The following OR4K17 variants were observed in gnomAD, a reference collection of about 807,000 sequenced individuals.
OR4K17 encodes the protein olfactory receptor 4K17.
For missense variants in OR4K17, 480 were observed against 366.3 expected, an observed-to-expected ratio of 1.31 and a Z score of -2.53; for synonymous variants, 157 against 132.8, an observed-to-expected ratio of 1.18 and a Z score of -1.25.
Position 20,118,466 on chromosome 14 carries a change from C to A in OR4K17, c.*28C>A, listed in dbSNP as rs1207880599. 18 of 1,388,438 alleles carry A rather than the reference C, an allele frequency of 1.3e-5. No individual in the cohort carries two copies. The Admixed American group carries it at 3.4e-4, about 26-fold the overall frequency. The allele number at this position is 1,388,438 out of a possible 1,614,324, so 86.0% of individuals were successfully genotyped here. On this transcript the variant is annotated 3_prime_UTR_variant, in exon 2 of 2. Coordinates refer to ENST00000641386, the MANE Select transcript of OR4K17 (RefSeq NM_001004715.5). ...TAAAAATATAATGGTAGAGGCCGGG[C>A]ATGGTGGCTGATGCCTGTAATCCCC...
In OR4K17 at chr14:20,119,959, G is replaced by A. The variant is rs1294090047; in HGVS notation, c.*1521G>A. 6.6e-6 allele frequency: 1 copy of A among 152,176 alleles called. No individual in the cohort carries two copies. The highest frequency in any genetic ancestry group is 1.5e-5 in the Non-Finnish European group (1 of 68,030). 9.4% of individuals were successfully genotyped at this position (152,176 alleles called of 1,614,324 possible). On this transcript the variant is annotated 3_prime_UTR_variant, in exon 2 of 2. Transcript: ENST00000641386. Reference sequence around the variant, plus strand: ...GCAAGTAAAATGCAGTAAGATTACAGTAGTCAGTCAAGATTATTTTTAATG... The same window carrying A: ...GCAAGTAAAATGCAGTAAGATTACAATAGTCAGTCAAGATTATTTTTAATG...
In OR4K17 at chr14:20,117,512, A is replaced by G; in HGVS notation, c.13A>G (p.Asn5Asp). ...TAGGATGGAGGCCATGAAACTATTAAATCAATCTCAAGTGTCAGAATTCAT... is the reference window on the plus strand; with the variant it reads ...TAGGATGGAGGCCATGAAACTATTAGATCAATCTCAAGTGTCAGAATTCAT... The part of the protein sequence containing the change: MKLL[N>D]QSQVSEFILL... The change falls in exon 2 of 2, where the codon AAT becomes GAT. Residue 5 changes from asparagine to aspartate, a missense_variant. Transcript: ENST00000641386. 3 of 1,613,852 alleles carry G rather than the reference A, an allele frequency of 1.9e-6. No individual in the cohort carries two copies. Among genetic ancestry groups the G allele is most frequent in the Non-Finnish European group, 2.5e-6 (3 of 1,179,862 alleles).
At chr14:20,116,923 C>A (rs937251758) in intron 1 of OR4K17, among the ~76,000 whole-genome samples, 4 of 152,166 alleles carry the variant, frequency 2.6e-5, no homozygotes, top group Admixed American at 2.6e-4. Flanking sequence ...AAAAACACAG[C>A]AGTATGCATT....
rs558634439 is a variant in OR4K17 at position 20,119,702 on chromosome 14, G to A, written c.*1264G>A. ...AAAATACAAAAATTAGCCAGGCGTG[G>A]TGGTGCATCCCTGCAATCCCAGCTA... On this transcript the variant is annotated 3_prime_UTR_variant, in exon 2 of 2. Transcript: ENST00000641386. 6.6e-6 allele frequency: 1 copy of A among 152,242 alleles called. No homozygotes were observed. The highest frequency in any genetic ancestry group is 1.9e-4 in the East Asian group (1 of 5,178). The allele number at this position is 152,242 out of a possible 1,614,324, so 9.4% of individuals were successfully genotyped here. A position where few individuals can be genotyped will look rare whatever the true frequency, so the allele number is the denominator to read the frequency against.
chr14:20,117,892 C>T lies in OR4K17; in HGVS notation c.393C>T (p.His131=), dbSNP rs752162857. 5.6e-6 allele frequency: 9 copies of T among 1,614,104 alleles called. No homozygotes were observed. Among genetic ancestry groups the T allele is most frequent in the Non-Finnish European group, 7.6e-6 (9 of 1,180,006 alleles). ...DRYVAICKPL[H]YMTIMNKKVC... is the part of the protein sequence containing the mutation. ...ATGTGGCCATTTGTAAGCCCCTACA[C>T]TACATGACCATCATGAACAAGAAGG... Residue 131 remains histidine (H), a synonymous_variant, in exon 2 of 2, where the codon CAC becomes CAT. Coordinates refer to ENST00000641386, the MANE Select transcript of OR4K17 (RefSeq NM_001004715.5).
At position 20,117,594 on chromosome 14, in the gene OR4K17, C is replaced by T. The variant is rs150087607; in HGVS notation, c.95C>T (p.Ser32Leu). ...GAGTTTCTTCTCTTTGCCCTCTTCT[C>T]GGTTATCTATGTGGTCACAGTTTTG... Reference protein sequence around the residue: ...DVEFLLFALFSVIYVVTVLGN... With the variant: ...DVEFLLFALFLVIYVVTVLGN... The change falls in exon 2 of 2, where the codon TCG becomes TTG. Residue 32 changes from serine to leucine, a missense_variant. Coordinates refer to ENST00000641386, the MANE Select transcript of OR4K17 (RefSeq NM_001004715.5). 26 of 1,613,780 alleles carry T rather than the reference C, an allele frequency of 1.6e-5. No homozygotes were observed. The highest frequency in any genetic ancestry group is 1.5e-4 in the Admixed American group (9 of 59,974).
At position 20,118,688 on chromosome 14, in the gene OR4K17, G is replaced by GT. The variant is rs1594196625; in HGVS notation, c.*255dup. On this transcript the variant is annotated 3_prime_UTR_variant, in exon 2 of 2. Transcript: ENST00000641386. Reference sequence around the variant, plus strand: ...GCCCCCCAAGCTGCAAAACCAGCAAGTTTTTATTATGGATTTCAAAAGGGA... The same window carrying GT: ...GCCCCCCAAGCTGCAAAACCAGCAAGTTTTTTATTATGGATTTCAAAAGGGA... The GT allele has an allele frequency of 6.5e-6, 2 of 309,194 alleles. No individual in the cohort carries two copies. The highest frequency in any genetic ancestry group is 2.2e-5 in the African/African-American group (1 of 45,656). The allele number at this position is 309,194 out of a possible 1,614,324, so 19.2% of individuals were successfully genotyped here. A position where few individuals can be genotyped will look rare whatever the true frequency, so the allele number is the denominator to read the frequency against.
rs746424948 is a variant in OR4K17 at position 20,120,309 on chromosome 14, C to T, written c.*1871C>T. 6.6e-6 allele frequency: 1 copy of T among 152,200 alleles called. No homozygotes were observed. The highest frequency in any genetic ancestry group is 1.5e-5 in the Non-Finnish European group (1 of 68,030). The allele number at this position is 152,200 out of a possible 1,614,324, so 9.4% of individuals were successfully genotyped here. ...CAGACTTTCCATATCTACCTACACTCATTTTTCTTGTAGCTTCCAAAATAA... is the reference window on the plus strand; with the variant it reads ...CAGACTTTCCATATCTACCTACACTTATTTTTCTTGTAGCTTCCAAAATAA... On this transcript the variant is annotated 3_prime_UTR_variant, in exon 2 of 2. Coordinates refer to ENST00000641386, the MANE Select transcript of OR4K17 (RefSeq NM_001004715.5).
intron 1 of OR4K17, among the ~76,000 whole-genome samples, chr14:20,116,321 A>G (rs755651673): frequency 1.3e-5 from 2 of 152,072 alleles, no homozygotes; most frequent in Non-Finnish European, 2.9e-5. Context: ...TTTCTGCATA[A>G]TCTGTCTCAC....
At chr14:20,112,507 A>G (rs897730334) in intron 1 of OR4K17, among the ~76,000 whole-genome samples, 2 of 152,078 alleles carry the variant, frequency 1.3e-5, no homozygotes, top group African/African-American at 4.8e-5. Flanking sequence ...GTGGGTGTTC[A>G]GAGTCACATG....
In OR4K17 at chr14:20,119,362, TTAAAG is replaced by T. The variant is rs1185399025; in HGVS notation, c.*930_*934del. On this transcript the variant is annotated 3_prime_UTR_variant, in exon 2 of 2. Coordinates refer to ENST00000641386, the MANE Select transcript of OR4K17 (RefSeq NM_001004715.5). ...TTAAGAAGATGATGGGATTAAGAGA[TTAAAG>T]TAAAGACAGGCATAGGAAATCACAA... is the stretch of plus-strand genomic sequence containing the variant. 1.3e-5 allele frequency: 2 copies of T among 152,064 alleles called. No individual in the cohort carries two copies. The highest frequency in any genetic ancestry group is 4.8e-5 in the African/African-American group (2 of 41,410). The allele number at this position is 152,064 out of a possible 1,614,324, so 9.4% of individuals were successfully genotyped here.
At position 20,110,788 on chromosome 14, in the gene OR4K17, A is replaced by G. The variant is rs1196576002; in HGVS notation, c.-137A>G. 1 of 151,996 alleles carries G rather than the reference A, an allele frequency of 6.6e-6. No homozygotes were observed. The highest frequency in any genetic ancestry group is 1.5e-5 in the Non-Finnish European group (1 of 67,950). The allele number at this position is 151,996 out of a possible 1,614,324, so 9.4% of individuals were successfully genotyped here. The stretch of plus-strand genomic sequence containing the variant: ...AGGAACTCCCCTGATTGGAGTCTAG[A>G]TACTTTAGTGACTTGTTTCTTCTAT... On this transcript the variant is annotated 5_prime_UTR_variant, in exon 1 of 2. Transcript: ENST00000641386.
chr14:20,118,685 C>A lies in OR4K17; in HGVS notation c.*247C>A, dbSNP rs943965407. ...GATGCCCCCCAAGCTGCAAAACCAG[C>A]AAGTTTTTATTATGGATTTCAAAAG... On this transcript the variant is annotated 3_prime_UTR_variant, in exon 2 of 2. Transcript: ENST00000641386. 3.2e-5 allele frequency: 10 copies of A among 311,370 alleles called. No homozygotes were observed. Among genetic ancestry groups the A allele is most frequent in the Non-Finnish European group, 5.3e-5 (9 of 168,548 alleles). The allele number at this position is 311,370 out of a possible 1,614,324, so 19.3% of individuals were successfully genotyped here. A position where few individuals can be genotyped will look rare whatever the true frequency, so the allele number is the denominator to read the frequency against.
rs1390125214 is a variant in OR4K17, at chr14:20,121,738, G to A, written c.*3300G>A. The A allele has an allele frequency of 6.6e-6, 1 of 151,998 alleles. No individual in the cohort carries two copies. Among genetic ancestry groups the A allele is most frequent in the Non-Finnish European group, 1.5e-5 (1 of 67,960 alleles). The allele number at this position is 151,998 out of a possible 1,614,324, so 9.4% of individuals were successfully genotyped here. On this transcript the variant is annotated 3_prime_UTR_variant, in exon 2 of 2. Coordinates refer to ENST00000641386, the MANE Select transcript of OR4K17 (RefSeq NM_001004715.5). ...AAAGAAAAGGAAGGGAACAAAGAGT[G>A]TAAAAAATAACCAGAAAACAATTAA...
At chr14:20,117,243 G>A (rs1024064686) in intron 1 of OR4K17, among the ~76,000 whole-genome samples, 1 of 152,066 alleles carries the variant, frequency 6.6e-6, no homozygotes, top group Non-Finnish European at 1.5e-5. Context: ...AGAGCTTGTG[G>A]TTTGCTTCTG....
rs1234383851 is a variant in OR4K17, at chr14:20,118,310, C to T, written c.811C>T (p.Leu271Phe). 1.9e-6 allele frequency: 3 copies of T among 1,613,440 alleles called. No homozygotes were observed. The highest frequency in any genetic ancestry group is 1.7e-5 in the Admixed American group (1 of 59,972). ...PFGNHSVDKFLAVFYTIITPI... is the reference protein window; with the variant it reads ...PFGNHSVDKFFAVFYTIITPI... The stretch of plus-strand genomic sequence containing the variant: ...CGGCAACCACTCTGTAGATAAGTTC[C>T]TTGCTGTGTTTTATACCATCATCAC... Residue 271 changes from leucine to phenylalanine, a missense_variant, in exon 2 of 2, where the codon CTT (leucine) becomes TTT (phenylalanine). Physicochemically the swap from Leu to Phe is conservative, Grantham distance 22. Coordinates refer to ENST00000641386, the MANE Select transcript of OR4K17 (RefSeq NM_001004715.5).
chr14:20,118,607 G>T lies in OR4K17; in HGVS notation c.*169G>T, dbSNP rs1878079913. 3 of 507,508 alleles carry T rather than the reference G, an allele frequency of 5.9e-6. No individual in the cohort carries two copies. The highest frequency in any genetic ancestry group is 3.7e-5 in the Admixed American group (1 of 26,976). The allele number at this position is 507,508 out of a possible 1,614,324, so 31.4% of individuals were successfully genotyped here. A position where few individuals can be genotyped will look rare whatever the true frequency, so the allele number is the denominator to read the frequency against. On this transcript the variant is annotated 3_prime_UTR_variant, in exon 2 of 2. Transcript: ENST00000641386. Reference sequence around the variant, plus strand: ...ATAAAGGGAAAGAATACAAAAGAGAGAAATTTTAAAGCTGGGTGTCCAGGG... The same window carrying T: ...ATAAAGGGAAAGAATACAAAAGAGATAAATTTTAAAGCTGGGTGTCCAGGG...
chr14:20,118,005 G>C lies in OR4K17; in HGVS notation c.506G>C (p.Cys169Ser). 6.2e-7 allele frequency: 1 copy of C among 1,614,092 alleles called. No homozygotes were observed. The highest frequency in any genetic ancestry group is 1.3e-5 in the African/African-American group (1 of 75,006). The change falls in exon 2 of 2, where the codon TGT becomes TCT. Residue 169 changes from cysteine to serine, a missense_variant. Coordinates refer to ENST00000641386, the MANE Select transcript of OR4K17 (RefSeq NM_001004715.5). ...QIPFAVNLPF[C>S]GPNVVDSIFC... Reference sequence around the variant, plus strand: ...CCATTTGCTGTGAACTTGCCCTTTTGTGGTCCCAATGTGGTAGACAGCATT... The same window carrying C: ...CCATTTGCTGTGAACTTGCCCTTTTCTGGTCCCAATGTGGTAGACAGCATT...
chr14:20,113,582 T>C (rs1877926040), intron 1 of OR4K17, among the ~76,000 whole-genome samples: 2 of 152,108 alleles, frequency 1.3e-5, no homozygotes, highest in Non-Finnish European at 2.9e-5. Context: ...TTGTATTATT[T>C]GTTAATTTCT....
Sources: allele counts gnomAD v4.1 joint callset (sites outside exome capture counted in the v4.1 genomes callset), GRCh38; gene constraint gnomAD v4.1.1; transcripts MANE v1.5; gene names NCBI Gene and HGNC (gene_info 2026-07-23, HGNC 2026-07-21).